The following MAN1A2 variants were observed in gnomAD, a reference collection of about 807,000 sequenced individuals.
MAN1A2 encodes the protein mannosyl-oligosaccharide 1,2-alpha-mannosidase IB.
Under a neutral mutation model 75.7 loss-of-function variants are expected in MAN1A2, and 26 were observed. The observed-to-expected ratio is 0.34, with a 90% confidence interval of 0.25 to 0.48. The LOEUF is 0.48. MAN1A2 is among the 20% of genes least tolerant of loss of function. The probability of loss-of-function intolerance (pLI) is 0.99; values close to 1 mark genes in which losing one functional copy is unlikely to be tolerated. For missense variants in MAN1A2, 562 were observed against 775.5 expected, an observed-to-expected ratio of 0.72 and a Z score of 3.27; for synonymous variants, 247 against 264.6, an observed-to-expected ratio of 0.93 and a Z score of 0.65.
At chr1:117,386,818 C>T (rs1049252659) in intron 1 of MAN1A2, among the ~76,000 whole-genome samples, 9 of 151,932 alleles carry the variant, frequency 5.9e-5, no homozygotes, top group African/African-American at 1.2e-4. Flanking sequence ...TATATTTCCA[C>T]GTAATCGGGA....
chr1:117,401,924 A>G (rs763272232), intron 1 of MAN1A2, among the ~76,000 whole-genome samples: 14 of 151,888 alleles, frequency 9.2e-5, no homozygotes, highest in Non-Finnish European at 7.4e-5. Context: ...GCAAGTGTCT[A>G]TGGATAAGTT....
chr1:117,453,146 G>A (rs771947733), intron 6 of MAN1A2, among the ~76,000 whole-genome samples: 7 of 152,240 alleles, frequency 4.6e-5, no homozygotes, highest in East Asian at 3.9e-4. Context: ...CATTGACAGC[G>A]TACCTGGTCA....
Position 117,499,418 on chromosome 1 carries a change from G to A in MAN1A2, c.1541G>A (p.Gly514Asp), listed in dbSNP as rs1185288886. 3 of 1,601,682 alleles carry A rather than the reference G, an allele frequency of 1.9e-6. No individual in the cohort carries two copies. Among genetic ancestry groups the A allele is most frequent in the Non-Finnish European group, 2.6e-6 (3 of 1,174,400 alleles). ...GGTCCTGAATCATTCAAGTTTGATG[G>A]TGCAGTGGAGGCTGTGGCTGTCCGG... is the stretch of plus-strand genomic sequence containing the variant. ...KLGPESFKFD[G>D]AVEAVAVRQA... The change falls in exon 11 of 13, where the codon GGT becomes GAT. Residue 514 changes from glycine (G) to aspartate (D), a missense_variant. Around this residue, in one of 2 missense-constraint regions of MAN1A2, gnomAD observed 434 missense variants for 645.7 expected, o/e 0.67. Coordinates refer to ENST00000356554, the MANE Select transcript of MAN1A2 (RefSeq NM_006699.5).
chr1:117,382,388 C>G (rs1239009902), intron 1 of MAN1A2, among the ~76,000 whole-genome samples: 2 of 152,148 alleles, frequency 1.3e-5, no homozygotes, highest in Non-Finnish European at 2.9e-5. Flanking sequence ...CCAGTTTCAG[C>G]TTTCTACATA....
At chr1:117,477,797 A>T (rs1324786201) in intron 8 of MAN1A2, among the ~76,000 whole-genome samples, 2 of 152,024 alleles carry the variant, frequency 1.3e-5, no homozygotes, top group Admixed American at 6.6e-5. Context: ...CAGTCAGGCA[A>T]GAGAAAGAAA....
rs1649787559 is a variant in MAN1A2, at chr1:117,460,626, C to T, written c.1074+14C>T. On this transcript the variant is annotated intron_variant, in intron 7 of 12. Coordinates refer to ENST00000356554, the MANE Select transcript of MAN1A2 (RefSeq NM_006699.5). ...TACTACAAAAAGGTTTGTTTTCTTG[C>T]CTTCTATTCTTTGTTTGTTATAAAG... The T allele has an allele frequency of 1.3e-6, 2 of 1,592,842 alleles. No individual in the cohort carries two copies. Among genetic ancestry groups the T allele is most frequent in the African/African-American group, 2.7e-5 (2 of 74,122 alleles).
At chr1:117,374,442 C>T (rs182558641) in intron 1 of MAN1A2, among the ~76,000 whole-genome samples, 216 of 152,042 alleles carry the variant, frequency 1.4e-3, no homozygotes, top group Non-Finnish European at 2.5e-3. Context: ...AACTTTATTC[C>T]TGTTAAAACA....
At chr1:117,375,919 T>TG (rs1211461983) in intron 1 of MAN1A2, among the ~76,000 whole-genome samples, 3 of 150,908 alleles carry the variant, frequency 2.0e-5, no homozygotes, top group African/African-American at 7.3e-5. Flanking sequence ...ATTTATGTTT[T>TG]TTTTTTTTTT....
chr1:117,465,170 C>T (rs771660157), intron 7 of MAN1A2, among the ~76,000 whole-genome samples: 13 of 151,930 alleles, frequency 8.6e-5, no homozygotes, highest in Admixed American at 2.0e-4. Context: ...CAAAGAAAAA[C>T]AGTGTTCAAA....
chr1:117,435,113 G>A (rs1406071765), intron 5 of MAN1A2, among the ~76,000 whole-genome samples: 4 of 151,936 alleles, frequency 2.6e-5, no homozygotes, highest in Admixed American at 6.6e-5. Context: ...ATATTTAAGC[G>A]AAAATAAGTA....
At chr1:117,380,828 T>C (rs1241589850) in intron 1 of MAN1A2, among the ~76,000 whole-genome samples, 1 of 152,222 alleles carries the variant, frequency 6.6e-6, no homozygotes, top group Non-Finnish European at 1.5e-5. Context: ...TTTTCAAAAT[T>C]GCTTTGGCTA....
At chr1:117,513,353 A>G (rs934830906) in intron 12 of MAN1A2, among the ~76,000 whole-genome samples, 2 of 152,074 alleles carry the variant, frequency 1.3e-5, no homozygotes, top group Non-Finnish European at 2.9e-5. Context: ...AATAACGTTT[A>G]TGTTTGGTTT....
chr1:117,377,467 T>C (rs962488241), intron 1 of MAN1A2, among the ~76,000 whole-genome samples: 1 of 152,218 alleles, frequency 6.6e-6, no homozygotes, highest in Non-Finnish European at 1.5e-5. Flanking sequence ...TCTAGGGATT[T>C]ATCCTTGGGA....
chr1:117,444,888 C>T (rs1649167315), intron 6 of MAN1A2, among the ~76,000 whole-genome samples: 1 of 152,008 alleles, frequency 6.6e-6, no homozygotes, highest in Admixed American at 6.6e-5. Flanking sequence ...AAAAAATTGT[C>T]TCCATCTATA....
intron 12 of MAN1A2, among the ~76,000 whole-genome samples, chr1:117,518,529 G>A (rs1286131020): frequency 6.6e-6 from 1 of 151,850 alleles, no homozygotes; most frequent in Admixed American, 6.6e-5. Flanking sequence ...AGAAGAAAAA[G>A]TTTTTAAAAA....
intron 6 of MAN1A2, among the ~76,000 whole-genome samples, chr1:117,457,751 TA>T (rs1649652079): frequency 6.6e-6 from 1 of 152,180 alleles, no homozygotes; most frequent in Admixed American, 6.6e-5. Flanking sequence ...CCTTAAGTAT[TA>T]TGTTATAATC....
At position 117,502,423 on chromosome 1, in the gene MAN1A2, C is replaced by G. The variant is rs908943642; in HGVS notation, c.1678-432C>G. Among the ~76,000 whole-genome samples, 50 of 151,524 alleles carry G rather than the reference C, an allele frequency of 3.3e-4. 1 individual carries two copies. Among genetic ancestry groups the G allele is most frequent in the Admixed American group, 2.6e-4 (4 of 15,158 alleles). On this transcript the variant is annotated intron_variant, in intron 11 of 12. Transcript: ENST00000356554. ...CTTACCGCTATTACTATAGAGTGCT[C>G]CTAAGTAATATTTTTTAGCATGTTG... is the stretch of plus-strand genomic sequence containing the variant.
chr1:117,471,580 A>G (rs1650155066), intron 8 of MAN1A2, among the ~76,000 whole-genome samples: 1 of 151,940 alleles, frequency 6.6e-6, no homozygotes, highest in Non-Finnish European at 1.5e-5. Context: ...CAAGTTCCTT[A>G]GTGGTATCCT....
chr1:117,437,729 G>A (rs1030329918), intron 5 of MAN1A2, among the ~76,000 whole-genome samples: 2 of 152,080 alleles, frequency 1.3e-5, no homozygotes. Flanking sequence ...TCACTGGCTT[G>A]TTGTGAGGAT....
Sources: gnomAD v4.1 joint callset for allele counts (sites outside exome capture counted in the v4.1 genomes callset) on GRCh38, gnomAD v4.1.1 for gene constraint, gnomAD v4.1.1 regional missense constraint, MANE v1.5 for transcripts, NCBI Gene and HGNC (gene_info 2026-07-23, HGNC 2026-07-21) for gene names.